MELK: variants seen among roughly 807,000 people sequenced by gnomAD.
MELK encodes pEg3 kinase.
A neutral mutation model predicts 85.0 loss-of-function variants in MELK; 81 were observed. The ratio of observed to expected loss-of-function variants is 0.95; its 90% CI spans 0.80 to 1.15. The LOEUF (loss-of-function observed/expected upper bound fraction) is 1.15. MELK is among the 50% of genes most tolerant of loss of function. MELK has a pLI of 0.00. For missense variants in MELK, 754 were observed against 777.5 expected, an observed-to-expected ratio of 0.97 and a Z score of 0.36; for synonymous variants, 252 against 265.0, an observed-to-expected ratio of 0.95 and a Z score of 0.48.
chr9:36,593,176 CT>C (rs368674596), intron 4 of MELK, among the ~76,000 whole-genome samples: 5,039 of 131,126 alleles, frequency 0.038, 244 homozygotes, highest in African/African-American at 0.12. Flanking sequence ...AGAGCTTCCT[CT>C]TTTTTTTTTT....
chr9:36,619,090 C>T (rs1827144875), intron 8 of MELK, among the ~76,000 whole-genome samples: 2 of 151,894 alleles, frequency 1.3e-5, no homozygotes, highest in Admixed American at 1.3e-4. Context: ...TCCCAAGTAG[C>T]TGGGATTACA....
intron 15 of MELK, among the ~76,000 whole-genome samples, chr9:36,670,324 C>T (rs772973977): frequency 1.3e-5 from 2 of 152,004 alleles, no homozygotes; most frequent in Admixed American, 1.3e-4. Flanking sequence ...TATCTCCAAC[C>T]AGAAAAATTT....
intron 11 of MELK, among the ~76,000 whole-genome samples, chr9:36,644,670 C>A (rs1830064904): frequency 6.6e-6 from 1 of 152,030 alleles, no homozygotes; most frequent in Admixed American, 6.6e-5. Context: ...AATTGTAGGA[C>A]ATTTTCTTTG....
chr9:36,672,913 T>A (rs1833010771), intron 16 of MELK, among the ~76,000 whole-genome samples: 1 of 152,234 alleles, frequency 6.6e-6, no homozygotes, highest in African/African-American at 2.4e-5. Flanking sequence ...CACTTTTTAA[T>A]GCTTTTAAGT....
At chr9:36,589,770 C>G (rs925651734) in intron 4 of MELK, 118 bp downstream of exon 4, 6 of 698,956 alleles carry the variant, frequency 8.6e-6, no homozygotes, top group Non-Finnish European at 1.4e-5. Flanking sequence ...CTGTTTTGTT[C>G]CATTTGTAAC....
At chr9:36,654,897 G>T in intron 12 of MELK, among the ~76,000 whole-genome samples, 1 of 152,290 alleles carries the variant, frequency 6.6e-6, no homozygotes, top group South Asian at 2.1e-4. Flanking sequence ...TAATCTTTAT[G>T]CAAATTATTG....
intron 8 of MELK, among the ~76,000 whole-genome samples, chr9:36,611,546 AAATCAG>A (rs1222233036): frequency 1.3e-5 from 2 of 152,186 alleles, no homozygotes; most frequent in Non-Finnish European, 2.9e-5. Flanking sequence ...CAGAGCAATT[AAATCAG>A]AATATCATTG....
intron 2 of MELK, among the ~76,000 whole-genome samples, chr9:36,583,066 T>C (rs1402597914): frequency 6.6e-6 from 1 of 151,410 alleles, no homozygotes; most frequent in Non-Finnish European, 1.5e-5. Context: ...CTCCACCTCC[T>C]GGGTTCATGC....
intron 8 of MELK, among the ~76,000 whole-genome samples, chr9:36,623,736 C>A (rs1167751565): frequency 2.0e-5 from 3 of 152,242 alleles, no homozygotes; most frequent in Non-Finnish European, 4.4e-5. Context: ...CTTTTGGATA[C>A]AAGGCTTTTG....
intron 7 of MELK, among the ~76,000 whole-genome samples, chr9:36,602,487 C>CAAA (rs765623860): frequency 0.027 from 1,103 of 41,262 alleles, 93 homozygotes; most frequent in African/African-American, 0.082. Context: ...AAGACTGTCT[C>CAAA]AAAAAAAAAA....
chr9:36,627,788 A>T (rs987303135), intron 8 of MELK, among the ~76,000 whole-genome samples: 1 of 151,606 alleles, frequency 6.6e-6, no homozygotes, highest in Admixed American at 6.6e-5. Context: ...CAGCCTCCCA[A>T]AGTGCTGGGA....
At chr9:36,600,841 G>A (rs1236987045) in intron 7 of MELK, among the ~76,000 whole-genome samples, 1 of 152,132 alleles carries the variant, frequency 6.6e-6, no homozygotes, top group Admixed American at 6.5e-5. Flanking sequence ...GGAATACCAG[G>A]TTACTTCATA....
rs1450931986 is a variant in MELK at position 36,628,714 on chromosome 9, G to A, written c.667-1585G>A. Among the ~76,000 whole-genome samples, 9 of 150,588 alleles carry A rather than the reference G, an allele frequency of 6.0e-5. No individual in the cohort carries two copies. In the East Asian group the frequency reaches 1.4e-3, roughly 23 times the overall value. The stretch of plus-strand genomic sequence containing the variant: ...ATTACAGGCGTGAGCCACCACATCC[G>A]GCCAATGATGTTTTGTTATACAGAA... On this transcript the variant is annotated intron_variant, in intron 8 of 17. Coordinates refer to ENST00000298048, the MANE Select transcript of MELK (RefSeq NM_014791.4).
At chr9:36,638,023 GA>G (rs1829378353) in intron 10 of MELK, among the ~76,000 whole-genome samples, 1 of 152,186 alleles carries the variant, frequency 6.6e-6, no homozygotes, top group South Asian at 2.1e-4. Context: ...TGCCCCTTGT[GA>G]GGTGGAGAGA....
Position 36,677,635 on chromosome 9 carries a change from C to G in MELK, c.*298C>G. On this transcript the variant is annotated 3_prime_UTR_variant, in exon 18 of 18. Coordinates refer to ENST00000298048, the MANE Select transcript of MELK (RefSeq NM_014791.4). ...TGAATGTAAGCTCTTAACTATGTCT[C>G]TTTGTAATGTGTAATTTCTTTCTGA... 1 of 204,598 alleles carries G rather than the reference C, an allele frequency of 4.9e-6. No individual in the cohort carries two copies. Among genetic ancestry groups the G allele is most frequent in the East Asian group, 1.1e-4 (1 of 8,704 alleles). 12.7% of individuals were successfully genotyped at this position (204,598 alleles called of 1,614,324 possible).
At chr9:36,647,768 A>G (rs1360351904) in intron 11 of MELK, among the ~76,000 whole-genome samples, 2 of 152,052 alleles carry the variant, frequency 1.3e-5, no homozygotes, top group African/African-American at 4.8e-5. Context: ...GGATTAAAAC[A>G]TGTATGAGCC....
intron 16 of MELK, among the ~76,000 whole-genome samples, chr9:36,673,694 A>G (rs990584308): frequency 6.6e-5 from 10 of 152,208 alleles, no homozygotes; most frequent in Admixed American, 5.9e-4. Context: ...AAGTGCTGGG[A>G]TTACAGTCAT....
rs1056733651 is a variant in MELK at position 36,633,027 on chromosome 9, A to C, written c.736-75A>C. On this transcript the variant is annotated intron_variant, in intron 9 of 17. Coordinates refer to ENST00000298048, the MANE Select transcript of MELK (RefSeq NM_014791.4). Reference sequence around the variant, plus strand: ...TTTACATCTGTTCTGATGCATTTTTAGTTTTCAGGAGGAAAGGTGTTCTAT... The same window carrying C: ...TTTACATCTGTTCTGATGCATTTTTCGTTTTCAGGAGGAAAGGTGTTCTAT... 10 of 1,002,156 alleles carry C rather than the reference A, an allele frequency of 1.0e-5. No individual in the cohort carries two copies. In the East Asian group the frequency reaches 2.4e-4, roughly 24 times the overall value. 62.1% of individuals were successfully genotyped at this position (1,002,156 alleles called of 1,614,324 possible).
At chr9:36,580,634 T>TA (rs1822135453) in intron 1 of MELK, among the ~76,000 whole-genome samples, 1 of 151,186 alleles carries the variant, frequency 6.6e-6, no homozygotes, top group Non-Finnish European at 1.5e-5. Context: ...CTTTTTTTTT[T>TA]AAATTATTTT....
Sources: gnomAD v4.1 joint callset for allele counts (sites outside exome capture counted in the v4.1 genomes callset) on GRCh38, gnomAD v4.1.1 for gene constraint, MANE v1.5 for transcripts, NCBI Gene and HGNC (gene_info 2026-07-23, HGNC 2026-07-21) for gene names.